KCNIP4: variants seen among roughly 807,000 people sequenced by gnomAD.
KCNIP4 encodes potassium voltage-gated channel interacting protein 4, also known as Kv channel-interacting protein 4.
A neutral mutation model predicts 34.0 loss-of-function variants in KCNIP4; 12 were observed. That is an observed-to-expected ratio of 0.35 (90% CI 0.23 to 0.57). The LOEUF (loss-of-function observed/expected upper bound fraction) is 0.57. Ranked by LOEUF, KCNIP4 falls within the 20% of genes least tolerant of loss-of-function variation. The probability of loss-of-function intolerance (pLI) is 0.83; values close to 1 mark genes in which losing one functional copy is unlikely to be tolerated. For missense variants in KCNIP4, 238 were observed against 311.7 expected, an observed-to-expected ratio of 0.76 and a Z score of 1.78; for synonymous variants, 124 against 102.2, an observed-to-expected ratio of 1.21 and a Z score of -1.29.
At chr4:21,944,961 A>T (rs1313720012) in intron 1 of KCNIP4, among the ~76,000 whole-genome samples, 1 of 152,190 alleles carries the variant, frequency 6.6e-6, no homozygotes, top group Non-Finnish European at 1.5e-5. Flanking sequence ...TTGAACAAAC[A>T]AAATACTCAT....
chr4:20,731,299 C>A (rs1748131992), intron 8 of KCNIP4: 1 of 724,280 alleles, frequency 1.4e-6, no homozygotes, highest in Non-Finnish European at 1.7e-6. Flanking sequence ...GACTCAAAAT[C>A]CTGGCCTTAA....
intron 1 of KCNIP4, among the ~76,000 whole-genome samples, chr4:21,902,236 C>T (rs1727743771): frequency 6.6e-6 from 1 of 152,060 alleles, no homozygotes; most frequent in Non-Finnish European, 1.5e-5. Flanking sequence ...GCATTTCCTT[C>T]ATCACACAGA....
intron 1 of KCNIP4, among the ~76,000 whole-genome samples, chr4:21,365,936 C>A (rs540934505): frequency 6.6e-6 from 1 of 152,196 alleles, no homozygotes; most frequent in Non-Finnish European, 1.5e-5. Flanking sequence ...ATTCTGTTTT[C>A]TCATGCTTAC....
At chr4:21,307,591 C>T (rs970381004) in intron 1 of KCNIP4, among the ~76,000 whole-genome samples, 1 of 152,138 alleles carries the variant, frequency 6.6e-6, no homozygotes, top group African/African-American at 2.4e-5. Flanking sequence ...TATCCTCAAT[C>T]CCAGAATGGT....
intron 1 of KCNIP4, among the ~76,000 whole-genome samples, chr4:21,678,518 G>A (rs1011351132): frequency 6.6e-6 from 1 of 152,032 alleles, no homozygotes; most frequent in Non-Finnish European, 1.5e-5. Flanking sequence ...CCTCACCATG[G>A]CCTAAAAGGC....
At chr4:20,833,484 C>CAATAAT (rs375084319) in intron 3 of KCNIP4, among the ~76,000 whole-genome samples, 44 of 150,806 alleles carry the variant, frequency 2.9e-4, no homozygotes, top group African/African-American at 6.6e-4. Context: ...GACCCCATCT[C>CAATAAT]AATAATAATA....
chr4:21,570,215 A>G (rs1740255528), intron 1 of KCNIP4, among the ~76,000 whole-genome samples: 1 of 152,162 alleles, frequency 6.6e-6, no homozygotes, highest in South Asian at 2.1e-4. Flanking sequence ...AACTTCTCAG[A>G]AAAGAGTAGG....
intron 1 of KCNIP4, among the ~76,000 whole-genome samples, chr4:21,701,407 C>A (rs1038817224): frequency 2.0e-5 from 3 of 152,128 alleles, no homozygotes; most frequent in Non-Finnish European, 4.4e-5. Context: ...TAGATTTTAA[C>A]CATTCTCACC....
chr4:20,878,458 C>A (rs1724306156), intron 2 of KCNIP4, among the ~76,000 whole-genome samples: 1 of 152,130 alleles, frequency 6.6e-6, no homozygotes, highest in African/African-American at 2.4e-5. Context: ...CAAGATATGT[C>A]CCCTGCATAT....
intron 1 of KCNIP4, among the ~76,000 whole-genome samples, chr4:21,821,720 T>TGATGTTA (rs1722362690): frequency 6.6e-6 from 1 of 152,298 alleles, no homozygotes; most frequent in South Asian, 2.1e-4. Flanking sequence ...TTGTCAATAA[T>TGATGTTA]GATGTTAGAT....
intron 1 of KCNIP4, among the ~76,000 whole-genome samples, chr4:21,188,158 A>C (rs1234009335): frequency 6.6e-6 from 1 of 152,200 alleles, no homozygotes; most frequent in Non-Finnish European, 1.5e-5. Context: ...TATCTTAGTC[A>C]TGAGTTTTGA....
intron 3 of KCNIP4, among the ~76,000 whole-genome samples, chr4:20,820,994 C>A (rs1310987802): frequency 1.3e-5 from 2 of 152,088 alleles, no homozygotes; most frequent in Admixed American, 1.3e-4. Flanking sequence ...TCAAAGGATG[C>A]CTTGGAGAGC....
At chr4:21,015,927 TA>T (rs1371975073) in intron 1 of KCNIP4, among the ~76,000 whole-genome samples, 10 of 143,662 alleles carry the variant, frequency 7.0e-5, no homozygotes, top group African/African-American at 2.5e-4. Flanking sequence ...TAAATATATA[TA>T]AATTTTTTTT....
intron 3 of KCNIP4, among the ~76,000 whole-genome samples, chr4:20,849,827 A>T (rs753345807): frequency 6.6e-6 from 1 of 152,236 alleles, no homozygotes; most frequent in Non-Finnish European, 1.5e-5. Context: ...TATTCAGACC[A>T]TAAGCTCCTT....
intron 3 of KCNIP4, among the ~76,000 whole-genome samples, chr4:20,820,988 A>G (rs1717036003): frequency 6.6e-6 from 1 of 152,166 alleles, no homozygotes; most frequent in South Asian, 2.1e-4. Flanking sequence ...TAGGTTTCAA[A>G]GGATGCCTTG....
intron 1 of KCNIP4, among the ~76,000 whole-genome samples, chr4:21,124,105 T>G (rs1376300600): frequency 1.3e-5 from 2 of 152,084 alleles, no homozygotes; most frequent in African/African-American, 4.8e-5. Flanking sequence ...GACACTGTTT[T>G]ACATTTTTAA....
chr4:21,763,043 T>C (rs1209466533), intron 1 of KCNIP4: 2 of 1,288,932 alleles, frequency 1.6e-6, no homozygotes, highest in Non-Finnish European at 2.0e-6. Context: ...CTAGATTGAA[T>C]GGACATATGC....
chr4:21,262,150 A>AT (rs988471274), intron 1 of KCNIP4, among the ~76,000 whole-genome samples: 37 of 151,800 alleles, frequency 2.4e-4, no homozygotes, highest in African/African-American at 8.5e-4. Flanking sequence ...CTTTTTATTT[A>AT]TTTTTTTTGA....
At position 21,443,719 on chromosome 4, in the gene KCNIP4, G is replaced by A. The variant is rs534928202; in HGVS notation, c.61+504852C>T. ...AGCCTGAGGTAAGAGAATTGCTTGA[G>A]CCCAGGAGTTCGAGACCAGCCTGGG... is the stretch of plus-strand genomic sequence containing the variant. On this transcript the variant is annotated intron_variant, in intron 1 of 8. Transcript: ENST00000382152. 9.2e-5 allele frequency among the ~76,000 whole-genome samples: 14 copies of A among 152,164 alleles called. No homozygotes were observed. The East Asian group carries it at 2.7e-3, about 30-fold the overall frequency.
Sources: gnomAD v4.1 joint callset for allele counts (sites outside exome capture counted in the v4.1 genomes callset) on GRCh38, gnomAD v4.1.1 for gene constraint, MANE v1.5 for transcripts, NCBI Gene and HGNC (gene_info 2026-07-23, HGNC 2026-07-21) for gene names.